Variants in NKTR observed in about 807,000 individuals in gnomAD.
The protein encoded by NKTR is natural killer cell triggering receptor.
Under a neutral mutation model 156.3 loss-of-function variants are expected in NKTR, and 67 were observed. That is an observed-to-expected ratio of 0.43 (90% CI 0.35 to 0.53). The LOEUF (loss-of-function observed/expected upper bound fraction) is 0.53. Among genes scored for constraint, NKTR ranks in the 20% least tolerant of loss-of-function variants. The pLI is 0.01. For synonymous variants in NKTR, 640 were observed against 596.6 expected (o/e 1.07, Z -1.06); for missense variants, 1,604 against 1,730.9 (o/e 0.93, Z 1.30).
In NKTR at chr3:42,636,864, A is replaced by G. The variant is rs1159408366; in HGVS notation, c.1164-4A>G. 7.1e-6 allele frequency: 11 copies of G among 1,551,616 alleles called. No homozygotes were observed. Among genetic ancestry groups the G allele is most frequent in the East Asian group, 6.8e-5 (3 of 44,436 alleles). ...ACCGCATGAATATTATGTCCTTTCT[A>G]TAGGTTAAGTGACCCCTGTTCAAGC... On this transcript the variant is annotated splice_polypyrimidine_tract_variant and splice_region_variant and intron_variant, in intron 12 of 16. Coordinates refer to ENST00000232978, the MANE Select transcript of NKTR (RefSeq NM_005385.4).
intron 6 of NKTR, chr3:42,628,662 A>C (rs2125799722): frequency 2.0e-6 from 2 of 985,428 alleles, no homozygotes; most frequent in Non-Finnish European, 2.4e-6. Flanking sequence ...TTTACTTCTA[A>C]ATATTTGGGG....
intron 2 of NKTR, among the ~76,000 whole-genome samples, chr3:42,613,609 G>A (rs1042209065): frequency 6.6e-6 from 1 of 152,008 alleles, no homozygotes; most frequent in Non-Finnish European, 1.5e-5. Flanking sequence ...CAATTCCAGC[G>A]CAACTATTTC....
At chr3:42,615,460 C>A (rs1050571432) in intron 2 of NKTR, among the ~76,000 whole-genome samples, 3 of 151,080 alleles carry the variant, frequency 2.0e-5, no homozygotes, top group Non-Finnish European at 4.4e-5. Context: ...CACATTTTAA[C>A]TGTTTTCAAG....
rs764957859 is a variant in NKTR at position 42,619,051 on chromosome 3, G to A, written c.165G>A (p.Lys55=). The A allele has an allele frequency of 2.2e-5, 35 of 1,597,596 alleles. No individual in the cohort carries two copies. In the South Asian group the frequency reaches 3.6e-4, roughly 17 times the overall value. The part of the protein sequence containing the change: ...GEKGLGKTTG[K]KLCYKGSTFH... ...AAGGCCTTGGGAAAACAACTGGGAA[G>A]AAGTTATGTTATAAAGGTTCTACGT... The change falls in exon 4 of 17, where the codon AAG becomes AAA. Residue 55 remains lysine, a synonymous_variant. Coordinates refer to ENST00000232978, the MANE Select transcript of NKTR (RefSeq NM_005385.4).
At chr3:42,633,773 C>A in intron 10 of NKTR, 38 bp downstream of exon 10, 1 of 1,610,588 alleles carries the variant, frequency 6.2e-7, no homozygotes, top group Admixed American at 1.7e-5. Flanking sequence ...TTTATTTCTC[C>A]GATAACACTG....
chr3:42,627,066 A>G, intron 6 of NKTR: 2 of 721,628 alleles, frequency 2.8e-6, no homozygotes, highest in Non-Finnish European at 3.4e-6. Flanking sequence ...CTCCATTTAA[A>G]AAAGCTTTCT....
rs1342796754 is a variant in NKTR, at chr3:42,619,083, G to A, written c.197G>A (p.Arg66His). Residue 66 changes from arginine to histidine, a missense_variant, in exon 4 of 17, where the codon CGT becomes CAT. By Grantham distance (29) the Arg-to-His change is conservative. Transcript: ENST00000232978. Reference sequence around the variant, plus strand: ...TGTTATAAAGGTTCTACGTTCCATCGTGTGGTTAAAAACTTTATGATTCAG... The same window carrying A: ...TGTTATAAAGGTTCTACGTTCCATCATGTGGTTAAAAACTTTATGATTCAG... Reference protein sequence around the residue: ...KLCYKGSTFHRVVKNFMIQGG... With the variant: ...KLCYKGSTFHHVVKNFMIQGG... 1 of 1,609,164 alleles carries A rather than the reference G, an allele frequency of 6.2e-7. No individual in the cohort carries two copies. Among genetic ancestry groups the A allele is most frequent in the Non-Finnish European group, 8.5e-7 (1 of 1,178,178 alleles).
At chr3:42,644,978 T>TTGTGTG (rs35077404) in intron 16 of NKTR, among the ~76,000 whole-genome samples, 6 of 150,806 alleles carry the variant, frequency 4.0e-5, no homozygotes, top group African/African-American at 7.3e-5. Context: ...TTTTGTGTCT[T>TTGTGTG]TGTGTGTGTG....
intron 4 of NKTR, 166 bp downstream of exon 4, chr3:42,619,293 G>A (rs1294382318): frequency 5.7e-6 from 8 of 1,411,894 alleles, no homozygotes; most frequent in Non-Finnish European, 7.4e-6. Context: ...GTATGAAAAA[G>A]CAAAGTACCA....
chr3:42,639,720 G>A lies in NKTR; in HGVS notation c.4016G>A (p.Ser1339Asn), dbSNP rs1200739666. The part of the protein sequence containing the change: ...TRSVSYSHSR[S>N]RSRSSTSSYR... ...TCTGTCTCCTATAGTCACTCAAGAAGTCGATCGAGAAGTTCCACATCATCT... is the reference window on the plus strand; with the variant it reads ...TCTGTCTCCTATAGTCACTCAAGAAATCGATCGAGAAGTTCCACATCATCT... The change falls in exon 13 of 17, where the codon AGT becomes AAT. Residue 1339 changes from serine to asparagine, a missense_variant. Transcript: ENST00000232978. 1.2e-6 allele frequency: 2 copies of A among 1,610,780 alleles called. No individual in the cohort carries two copies. The highest frequency in any genetic ancestry group is 1.7e-6 in the Non-Finnish European group (2 of 1,178,706).
At chr3:42,615,566 A>G (rs1259040222) in intron 2 of NKTR, among the ~76,000 whole-genome samples, 2 of 152,164 alleles carry the variant, frequency 1.3e-5, no homozygotes, top group Non-Finnish European at 2.9e-5. Flanking sequence ...ATTTTGAGGC[A>G]TTACAAGATT....
At chr3:42,629,069 T>C in intron 6 of NKTR, 4 of 935,704 alleles carry the variant, frequency 4.3e-6, no homozygotes, top group Non-Finnish European at 5.1e-6. Flanking sequence ...CACTAGCTTC[T>C]GTACCAATTT....
At chr3:42,614,668 C>T (rs1283699286) in intron 2 of NKTR, among the ~76,000 whole-genome samples, 1 of 152,122 alleles carries the variant, frequency 6.6e-6, no homozygotes, top group Non-Finnish European at 1.5e-5. Context: ...ACTAGGTTAC[C>T]TCTTTATAGG....
intron 5 of NKTR, 42 bp downstream of exon 5, chr3:42,619,750 A>G (rs1707733755): frequency 1.2e-6 from 2 of 1,604,232 alleles, no homozygotes; most frequent in Non-Finnish European, 1.7e-6. Flanking sequence ...CAGTTCTGAT[A>G]TTAAAGCAAG....
chr3:42,602,476 G>C (rs769624823), intron 2 of NKTR: 5 of 152,160 alleles, frequency 3.3e-5, no homozygotes, highest in African/African-American at 4.8e-5. Context: ...AGTGTGGCTG[G>C]AGTAGAAGAG....
At chr3:42,628,540 G>GT in intron 6 of NKTR, 1 of 985,346 alleles carries the variant, frequency 1.0e-6, no homozygotes, top group Non-Finnish European at 1.2e-6. Context: ...GGCTCTTTAT[G>GT]TTTTAAGAAA....
chr3:42,605,692 G>A (rs1289178000), intron 2 of NKTR, among the ~76,000 whole-genome samples: 1 of 152,188 alleles, frequency 6.6e-6, no homozygotes, highest in African/African-American at 2.4e-5. Context: ...TGAGGGAATA[G>A]GAGAAATGCA....
In NKTR at chr3:42,632,783, T is replaced by G; in HGVS notation, c.733T>G (p.Ser245Ala). 3 of 1,609,916 alleles carry G rather than the reference T, an allele frequency of 1.9e-6. No individual in the cohort carries two copies. Among genetic ancestry groups the G allele is most frequent in the Non-Finnish European group, 1.7e-6 (2 of 1,178,664 alleles). The change falls in exon 9 of 17, where the codon TCA becomes GCA. Residue 245 changes from serine to alanine, a missense_variant. Ser to Ala is a moderately conservative substitution (Grantham distance 99, BLOSUM62 1). Around this residue, in one of 6 missense-constraint regions of NKTR, gnomAD observed 1,255 missense variants for 1,243.7 expected, o/e 1.01. Coordinates refer to ENST00000232978, the MANE Select transcript of NKTR (RefSeq NM_005385.4). ...SKKRRKEASS[S>A]EEPRNKHAMN... ...AAAGAGGCGAAAGGAAGCAAGCAGT[T>G]CAGAAGAGCCAAGGAATAAACATGC...
chr3:42,629,293 G>A, intron 6 of NKTR: 3 of 966,468 alleles, frequency 3.1e-6, no homozygotes, highest in Non-Finnish European at 3.7e-6. Context: ...ATCTTCTAAG[G>A]AATATTTGAG....
Sources: allele counts gnomAD v4.1 joint callset (sites outside exome capture counted in the v4.1 genomes callset), GRCh38; gene constraint gnomAD v4.1.1; regional missense constraint gnomAD v4.1.1; transcripts MANE v1.5; gene names NCBI Gene and HGNC (gene_info 2026-07-23, HGNC 2026-07-21).